EBF1: variants seen among roughly 807,000 people sequenced by gnomAD.
EBF1 encodes the protein transcription factor COE1.
A neutral mutation model predicts 68.4 loss-of-function variants in EBF1; 10 were observed. That is an observed-to-expected ratio of 0.15 (90% CI 0.09 to 0.25). The LOEUF (loss-of-function observed/expected upper bound fraction) is 0.25, where lower values mean the gene tolerates loss of function less well. Ranked by LOEUF, EBF1 falls within the 10% of genes least tolerant of loss-of-function variation. EBF1 has a pLI of 1.00. For missense variants in EBF1, 509 were observed against 794.4 expected, an observed-to-expected ratio of 0.64 and a Z score of 4.32; for synonymous variants, 298 against 299.8, an observed-to-expected ratio of 0.99 and a Z score of 0.06.
intron 11 of EBF1, among the ~76,000 whole-genome samples, chr5:158,721,123 TGCA>T (rs1053916017): frequency 9.9e-5 from 15 of 152,066 alleles, no homozygotes; most frequent in African/African-American, 2.7e-4. Flanking sequence ...CTAGAGAAAA[TGCA>T]GCAGGAGGAC....
rs944481534 is a variant in EBF1, at chr5:158,697,916, C to G, written c.*1195G>C. 4.8e-6 allele frequency: 1 copy of G among 208,862 alleles called. No homozygotes were observed. The highest frequency in any genetic ancestry group is 9.7e-6 in the Non-Finnish European group (1 of 102,712). The allele number at this position is 208,862 out of a possible 1,614,324, so 12.9% of individuals were successfully genotyped here. ...AATGAGAGCAAAAATTCCCATAGAA[C>G]AGAAAACTATGTTTTGGAGGTCTCA... On this transcript the variant is annotated 3_prime_UTR_variant, in exon 16 of 16. Coordinates refer to ENST00000313708, the MANE Select transcript of EBF1 (RefSeq NM_024007.5).
chr5:158,800,544 A>C (rs1780396463), intron 8 of EBF1, among the ~76,000 whole-genome samples: 1 of 152,238 alleles, frequency 6.6e-6, no homozygotes, highest in Admixed American at 6.5e-5. Context: ...ATTCTATGAG[A>C]GCAAACAGTT....
At chr5:158,802,426 T>C (rs552105699) in intron 8 of EBF1, among the ~76,000 whole-genome samples, 2 of 152,258 alleles carry the variant, frequency 1.3e-5, no homozygotes, top group South Asian at 2.1e-4. Flanking sequence ...CAAGGTGATA[T>C]AAGGTTCTTT....
At chr5:158,739,331 T>C (rs1765826993) in intron 10 of EBF1, among the ~76,000 whole-genome samples, 1 of 152,164 alleles carries the variant, frequency 6.6e-6, no homozygotes, top group African/African-American at 2.4e-5. Context: ...ACTGTATTGC[T>C]CTCTAAGTGT....
At chr5:159,096,256 G>A in intron 3 of EBF1, 87 bp downstream of exon 3, 3 of 1,383,106 alleles carry the variant, frequency 2.2e-6, no homozygotes, top group Non-Finnish European at 3.0e-6. Flanking sequence ...ACCTTCGCTG[G>A]AGGATTTCGT....
chr5:158,931,159 A>G (rs1810810639), intron 6 of EBF1, among the ~76,000 whole-genome samples: 1 of 152,128 alleles, frequency 6.6e-6, no homozygotes, highest in Non-Finnish European at 1.5e-5. Flanking sequence ...TAAGCTGCCC[A>G]TTTCTAGTTT....
chr5:159,094,409 T>C (rs1202572089), intron 4 of EBF1, among the ~76,000 whole-genome samples: 6 of 152,140 alleles, frequency 3.9e-5, no homozygotes, highest in Non-Finnish European at 8.8e-5. Context: ...TACTCTTGCT[T>C]TCTACTTGTG....
intron 1 of EBF1, among the ~76,000 whole-genome samples, chr5:159,099,053 G>A (rs2128016972): frequency 6.6e-6 from 1 of 152,330 alleles, no homozygotes; most frequent in South Asian, 2.1e-4. Context: ...AACATGCTGT[G>A]TTGAGACGCC....
At chr5:158,896,849 A>G (rs1802273911) in intron 6 of EBF1, among the ~76,000 whole-genome samples, 1 of 151,324 alleles carries the variant, frequency 6.6e-6, no homozygotes, top group Admixed American at 6.6e-5. Flanking sequence ...GGAAGATCAG[A>G]AAAAAAAACT....
rs376474860 is a variant in EBF1, at chr5:158,905,297, C to G, written c.555-65187G>C. On this transcript the variant is annotated intron_variant, in intron 6 of 15. Transcript: ENST00000313708. ...AAATTTGCTTATGCCATAAAATGCC[C>G]TAGCTCCTATGTGAATGTATTTTTT... is the stretch of plus-strand genomic sequence containing the variant. Among the ~76,000 whole-genome samples, 32 of 152,220 alleles carry G rather than the reference C, an allele frequency of 2.1e-4. No individual in the cohort carries two copies. In the East Asian group the frequency reaches 4.8e-3, roughly 23 times the overall value.
chr5:158,704,430 G>C (rs1162040337), intron 15 of EBF1, among the ~76,000 whole-genome samples: 1 of 152,126 alleles, frequency 6.6e-6, no homozygotes, highest in Non-Finnish European at 1.5e-5. Flanking sequence ...CCTAAATGTG[G>C]CACCTCTAAT....
At chr5:158,953,392 G>T (rs1425245237) in intron 6 of EBF1, among the ~76,000 whole-genome samples, 1 of 152,172 alleles carries the variant, frequency 6.6e-6, no homozygotes, top group African/African-American at 2.4e-5. Context: ...AGATCATCAT[G>T]CTACCCAGGA....
chr5:158,766,435 T>C (rs939072864), intron 10 of EBF1, among the ~76,000 whole-genome samples: 2 of 152,226 alleles, frequency 1.3e-5, no homozygotes, highest in Non-Finnish European at 2.9e-5. Flanking sequence ...GTTGTATTTG[T>C]AAATGTTGTA....
chr5:158,713,277 A>G, intron 12 of EBF1, 130 bp from the exon 13 acceptor site: 2 of 781,872 alleles, frequency 2.6e-6, no homozygotes, highest in South Asian at 6.1e-5. Context: ...GACCCTCATG[A>G]CAAACCTGTT....
chr5:158,841,613 G>A (rs1019944448), intron 6 of EBF1, among the ~76,000 whole-genome samples: 1 of 152,174 alleles, frequency 6.6e-6, no homozygotes, highest in Admixed American at 6.5e-5. Context: ...ACCCTATGAT[G>A]CCTCAGTCTG....
chr5:158,872,733 A>G (rs1797099795), intron 6 of EBF1, among the ~76,000 whole-genome samples: 2 of 152,166 alleles, frequency 1.3e-5, no homozygotes, highest in African/African-American at 4.8e-5. Flanking sequence ...ATCTTATTTC[A>G]TCTTCAATCA....
intron 6 of EBF1, among the ~76,000 whole-genome samples, chr5:158,987,967 G>T (rs1301327512): frequency 6.6e-6 from 1 of 152,194 alleles, no homozygotes; most frequent in African/African-American, 2.4e-5. Flanking sequence ...GCTCACTGGA[G>T]CAGCACTGTG....
rs761026683 is a variant in EBF1 at position 159,099,356 on chromosome 5, C to G, written c.123G>C (p.Thr41=). Residue 41 remains threonine (T), a synonymous_variant, in exon 1 of 16, where the codon ACG becomes ACC. Transcript: ENST00000313708. The part of the protein sequence containing the change: ...MQGAGVLDAN[T]AAQSGVGLAR... The stretch of plus-strand genomic sequence containing the variant: ...CGCGCAGTACCCACCTCTGCGCCGC[C>G]GTGTTGGCGTCCAGCACCCCGGCGC... The G allele has an allele frequency of 5.0e-6, 8 of 1,588,060 alleles. No individual in the cohort carries two copies. The highest frequency in any genetic ancestry group is 2.8e-5 in the African/African-American group (2 of 72,102).
chr5:158,699,939 G>A lies in EBF1; in HGVS notation c.1745-797C>T. ...AGGAGGTCGCAGATAGTGGTATTTA[G>A]AGAACACAGAATCAGATAGGCCTGA... On this transcript the variant is annotated intron_variant, in intron 15 of 15. Transcript: ENST00000313708. Among the ~76,000 whole-genome samples the A allele has an allele frequency of 1.3e-5, 2 of 152,222 alleles. 1 individual carries two copies. The highest frequency in any genetic ancestry group is 2.9e-5 in the Non-Finnish European group (2 of 68,030).
Sources: allele counts gnomAD v4.1 joint callset (sites outside exome capture counted in the v4.1 genomes callset), GRCh38; gene constraint gnomAD v4.1.1; transcripts MANE v1.5; gene names NCBI Gene and HGNC (gene_info 2026-07-23, HGNC 2026-07-21).